SHISA6: variants seen among roughly 807,000 people sequenced by gnomAD.
SHISA6 encodes shisa family member 6.
In SHISA6, 22 loss-of-function variants were observed where a neutral mutation model predicts 47.9. The observed-to-expected ratio is 0.46, with a 90% CI of 0.33 to 0.66. The LOEUF is 0.66. Among genes scored for constraint, SHISA6 ranks in the 30% least tolerant of loss-of-function variants. The probability of loss-of-function intolerance (pLI) is 0.02; values close to 1 mark genes in which losing one functional copy is unlikely to be tolerated. For synonymous variants in SHISA6, 388 were observed against 337.8 expected (o/e 1.15, Z -1.63); for missense variants, 680 against 764.6 (o/e 0.89, Z 1.30).
At chr17:11,265,392 G>C (rs1338786237) in intron 2 of SHISA6, among the ~76,000 whole-genome samples, 1 of 152,178 alleles carries the variant, frequency 6.6e-6, no homozygotes, top group Non-Finnish European at 1.5e-5. Flanking sequence ...CATCCCCAGA[G>C]ACTGACTGAA....
intron 3 of SHISA6, among the ~76,000 whole-genome samples, chr17:11,496,354 G>A (rs953184672): frequency 5.9e-5 from 9 of 152,214 alleles, no homozygotes; most frequent in South Asian, 2.1e-4. Context: ...AAAATTTACT[G>A]TAGGCTAAAA....
At chr17:11,244,848 C>T (rs975475472) in intron 1 of SHISA6, among the ~76,000 whole-genome samples, 1 of 152,134 alleles carries the variant, frequency 6.6e-6, no homozygotes. Context: ...GATAGGTGGG[C>T]AGACAGGGGC....
At chr17:11,314,521 GT>G (rs984445970) in intron 2 of SHISA6, among the ~76,000 whole-genome samples, 1 of 148,214 alleles carries the variant, frequency 6.7e-6, no homozygotes, top group Non-Finnish European at 1.5e-5. Context: ...ATTCCATACT[GT>G]TTTTTCATTT....
intron 3 of SHISA6, among the ~76,000 whole-genome samples, chr17:11,483,067 C>T (rs755251866): frequency 4.0e-5 from 6 of 151,884 alleles, no homozygotes; most frequent in Admixed American, 6.6e-5. Flanking sequence ...TTTGGGAGGC[C>T]GAGGCAGACA....
chr17:11,372,504 T>A (rs1486475788), intron 2 of SHISA6, among the ~76,000 whole-genome samples: 1 of 152,230 alleles, frequency 6.6e-6, no homozygotes, highest in Non-Finnish European at 1.5e-5. Context: ...TTTTTAAATA[T>A]CCATTAGCCT....
At chr17:11,394,803 A>G (rs1431656889) in intron 3 of SHISA6, among the ~76,000 whole-genome samples, 1 of 151,816 alleles carries the variant, frequency 6.6e-6, no homozygotes, top group Non-Finnish European at 1.5e-5. Context: ...TTGGTTTATC[A>G]TTTTCTATCT....
At position 11,320,700 on chromosome 17, in the gene SHISA6, G is replaced by A. The variant is rs191859626; in HGVS notation, c.799+57174G>A. Among the ~76,000 whole-genome samples, 12 of 152,008 alleles carry A rather than the reference G, an allele frequency of 7.9e-5. No individual in the cohort carries two copies. In the East Asian group the frequency reaches 2.3e-3, roughly 29 times the overall value. Reference sequence around the variant, plus strand: ...GAGAGAGAGAGAGAGAAGAAACCAAGGAGGAGGAGGAGCAGCAGCAGCCGG... The same window carrying A: ...GAGAGAGAGAGAGAGAAGAAACCAAAGAGGAGGAGGAGCAGCAGCAGCCGG... On this transcript the variant is annotated intron_variant, in intron 2 of 5. Transcript: ENST00000441885.
chr17:11,307,230 C>G (rs1275383462), intron 2 of SHISA6, among the ~76,000 whole-genome samples: 3 of 149,734 alleles, frequency 2.0e-5, no homozygotes, highest in Non-Finnish European at 4.4e-5. Flanking sequence ...CAGTTAGAGT[C>G]TAAGTTGCTC....
Position 11,561,710 on chromosome 17 carries a change from A to G in SHISA6, c.*3406A>G, listed in dbSNP as rs1463755501. ...CTCTCATCTCCCTCTTCCTCCATCT[A>G]CCTTCCTCCATTCACCTTCCTCCAT... On this transcript the variant is annotated 3_prime_UTR_variant, in exon 6 of 6. Coordinates refer to ENST00000441885, the MANE Select transcript of SHISA6 (RefSeq NM_207386.4). The G allele has an allele frequency of 2.6e-5, 4 of 151,438 alleles. No homozygotes were observed. The highest frequency in any genetic ancestry group is 6.6e-5 in the Admixed American group (1 of 15,224). 9.4% of individuals were successfully genotyped at this position (151,438 alleles called of 1,614,324 possible). A position where few individuals can be genotyped will look rare whatever the true frequency, so the allele number is the denominator to read the frequency against.
At chr17:11,362,619 G>A (rs1305828751) in intron 2 of SHISA6, among the ~76,000 whole-genome samples, 1 of 152,190 alleles carries the variant, frequency 6.6e-6, no homozygotes, top group Non-Finnish European at 1.5e-5. Flanking sequence ...ATTACTGGCG[G>A]TGTGGTTTTG....
At chr17:11,474,551 GA>G (rs1201250447) in intron 3 of SHISA6, among the ~76,000 whole-genome samples, 2 of 152,006 alleles carry the variant, frequency 1.3e-5, no homozygotes, top group Non-Finnish European at 2.9e-5. Context: ...ACCATTTGTT[GA>G]GAGAACTGTC....
At chr17:11,531,165 G>C (rs2071728622) in intron 3 of SHISA6, among the ~76,000 whole-genome samples, 1 of 151,204 alleles carries the variant, frequency 6.6e-6, no homozygotes, top group South Asian at 2.1e-4. Context: ...TGGGTCATCA[G>C]CTGGTGCCAT....
intron 2 of SHISA6, among the ~76,000 whole-genome samples, chr17:11,277,564 TTA>T (rs1908969623): frequency 6.6e-6 from 1 of 152,208 alleles, no homozygotes; most frequent in Non-Finnish European, 1.5e-5. Context: ...ATGAATGCCC[TTA>T]TTTAATACGT....
intron 2 of SHISA6, among the ~76,000 whole-genome samples, chr17:11,301,320 A>C (rs967748536): frequency 3.9e-5 from 6 of 152,080 alleles, no homozygotes; most frequent in African/African-American, 1.2e-4. Flanking sequence ...CCAGGCATCA[A>C]ATTCCCCAGG....
chr17:11,468,988 C>T (rs1008645569), intron 3 of SHISA6, among the ~76,000 whole-genome samples: 1 of 127,752 alleles, frequency 7.8e-6, no homozygotes, highest in African/African-American at 3.0e-5. Context: ...CACTGCACTC[C>T]AGCCTGGGCA....
chr17:11,266,391 C>T (rs1297436799), intron 2 of SHISA6, among the ~76,000 whole-genome samples: 4 of 152,208 alleles, frequency 2.6e-5, no homozygotes, highest in African/African-American at 9.7e-5. Context: ...GACTCTACCT[C>T]TCCTGCTGAA....
At chr17:11,322,519 A>T (rs1295558246) in intron 2 of SHISA6, among the ~76,000 whole-genome samples, 10 of 152,216 alleles carry the variant, frequency 6.6e-5, no homozygotes, top group Admixed American at 6.5e-4. Context: ...TTCTCTTAAA[A>T]TAATCTTAAC....
chr17:11,525,631 C>CAAAAAAAAA (rs548619604), intron 3 of SHISA6, among the ~76,000 whole-genome samples: 37 of 58,904 alleles, frequency 6.3e-4, no homozygotes, highest in South Asian at 8.6e-4. Flanking sequence ...GACTCCGTCT[C>CAAAAAAAAA]AAAAAAAAAA....
At position 11,551,926 on chromosome 17, in the gene SHISA6, G is replaced by A; in HGVS notation, c.926G>A (p.Ser309Asn). ...CATCAATATAACCATCCGATTTTGA[G>A]CAGTGTTACCCAGATCCCGCCACAT... ...GDHQYNHPIL[S>N]SVTQIPPHEK... Residue 309 changes from serine to asparagine, a missense_variant, in exon 4 of 6, where the codon AGC becomes AAC. Coordinates refer to ENST00000441885, the MANE Select transcript of SHISA6 (RefSeq NM_207386.4). 6.4e-7 allele frequency: 1 copy of A among 1,551,684 alleles called. No individual in the cohort carries two copies. Among genetic ancestry groups the A allele is most frequent in the African/African-American group, 1.4e-5 (1 of 73,170 alleles).
Sources: gnomAD v4.1 joint callset for allele counts (sites outside exome capture counted in the v4.1 genomes callset) on GRCh38, gnomAD v4.1.1 for gene constraint, MANE v1.5 for transcripts, NCBI Gene and HGNC (gene_info 2026-07-23, HGNC 2026-07-21) for gene names.